The following RARA variants were observed in gnomAD, a reference collection of about 807,000 sequenced individuals.
The protein encoded by RARA is retinoic acid receptor alpha, also known as PML-DDX5-RARA fusion.
RARA carries 5 observed loss-of-function variants against 42.8 expected under a neutral mutation model. The observed-to-expected ratio is 0.12, with a 90% CI of 0.06 to 0.25. RARA has a LOEUF of 0.25. Ranked by LOEUF, RARA falls within the 10% of genes least tolerant of loss-of-function variation. The pLI is 1.00. For missense variants in RARA, 402 were observed against 628.7 expected (o/e 0.64, Z 3.86); for synonymous variants, 256 against 259.5 (o/e 0.99, Z 0.13).
rs865803649 is a variant in RARA, at chr17:40,345,574, G to A, written c.179-2742G>A. Among the ~76,000 whole-genome samples the A allele has an allele frequency of 6.4e-3, 973 of 152,344 alleles. 9 individuals are homozygous for A. The highest frequency in any genetic ancestry group is 0.02 in the Middle Eastern group (6 of 294). On this transcript the variant is annotated intron_variant, in intron 2 of 8. Transcript: ENST00000254066. The surrounding 1 kb of genome is among the most constrained non-coding windows in gnomAD (Gnocchi z 4.8). Reference sequence around the variant, plus strand: ...GAGGGAGGGGCACCCTGGCAGCGTCGGCGGGAGGGGACGCCTGGCTTCCTG... The same window carrying A: ...GAGGGAGGGGCACCCTGGCAGCGTCAGCGGGAGGGGACGCCTGGCTTCCTG...
At chr17:40,332,286 G>A (rs1351214711) in intron 2 of RARA, among the ~76,000 whole-genome samples, 1 of 152,148 alleles carries the variant, frequency 6.6e-6, no homozygotes, top group Non-Finnish European at 1.5e-5. Context: ...TGGGACGGGA[G>A]AGGGTGGAAG....
Position 40,348,318 on chromosome 17 carries a change from A to G in RARA, c.181A>G (p.Ile61Val). ...CCCCTCCCCTCTTCTCTCTCTAGCC[A>G]TTGAGACCCAGAGCAGCAGTTCTGA... ...SGYSTPSPAT[I>V]ETQSSSSEEI... The change falls in exon 3 of 9, where the codon ATT (isoleucine) becomes GTT (valine). Residue 61 changes from isoleucine (I) to valine (V), a missense_variant and splice_region_variant. Physicochemically the swap from Ile to Val is conservative, Grantham distance 29 (BLOSUM62 3). Around this residue, in one of 5 missense-constraint regions of RARA, gnomAD observed 91 missense variants for 105.2 expected, o/e 0.87. Coordinates refer to ENST00000254066, the MANE Select transcript of RARA (RefSeq NM_000964.4). The G allele has an allele frequency of 1.9e-6, 3 of 1,592,490 alleles. No individual in the cohort carries two copies. Among genetic ancestry groups the G allele is most frequent in the South Asian group, 1.1e-5 (1 of 88,356 alleles).
chr17:40,319,034 G>A (rs2033292176), intron 1 of RARA, among the ~76,000 whole-genome samples: 1 of 152,196 alleles, frequency 6.6e-6, no homozygotes, highest in Non-Finnish European at 1.5e-5. Flanking sequence ...GCCACCATGG[G>A]GTGTGGGAAC....
At position 40,352,001 on chromosome 17, in the gene RARA, C is replaced by T; in HGVS notation, c.561C>T (p.Leu187=). 6.2e-7 allele frequency: 1 copy of T among 1,602,192 alleles called. No homozygotes were observed. The highest frequency in any genetic ancestry group is 8.5e-7 in the Non-Finnish European group (1 of 1,176,364). ...CGCTGACGCCGGAGGTGGGGGAGCT[C>T]ATTGAGAAGGTGCGCAAAGCGCACC... ...SYTLTPEVGE[L]IEKVRKAHQE... is the part of the protein sequence containing the mutation. The change falls in exon 5 of 9, where the codon CTC becomes CTT. Residue 187 remains leucine, a synonymous_variant. Transcript: ENST00000254066. The surrounding 1 kb of genome is among the most constrained non-coding windows in gnomAD (Gnocchi z 4.9).
Position 40,331,135 on chromosome 17 carries a change from C to T in RARA, c.-84C>T. 1 of 1,444,008 alleles carries T rather than the reference C, an allele frequency of 6.9e-7. No homozygotes were observed. The highest frequency in any genetic ancestry group is 9.3e-7 in the Non-Finnish European group (1 of 1,073,126). The allele number at this position is 1,444,008 out of a possible 1,614,324, so 89.4% of individuals were successfully genotyped here. On this transcript the variant is annotated 5_prime_UTR_variant, in exon 2 of 9. Coordinates refer to ENST00000254066, the MANE Select transcript of RARA (RefSeq NM_000964.4). ...CCCAAACCCCATCTGGGCCCAGGCCCCATGCCCCGAGGAGGGGTGGTCTGA... is the reference window on the plus strand; with the variant it reads ...CCCAAACCCCATCTGGGCCCAGGCCTCATGCCCCGAGGAGGGGTGGTCTGA...
Position 40,356,920 on chromosome 17 carries a change from C to G in RARA, c.*694C>G, listed in dbSNP as rs1567769266. The G allele has an allele frequency of 7.5e-6, 3 of 400,852 alleles. No homozygotes were observed. The highest frequency in any genetic ancestry group is 9.6e-5 in the East Asian group (2 of 20,852). The allele number at this position is 400,852 out of a possible 1,614,324, so 24.8% of individuals were successfully genotyped here. ...CTCTCCTTTCATGTCCCTGTGCCCCCCAGTTCTCCTCCTCAGCCTTTTCCT... is the reference window on the plus strand; with the variant it reads ...CTCTCCTTTCATGTCCCTGTGCCCCGCAGTTCTCCTCCTCAGCCTTTTCCT... On this transcript the variant is annotated 3_prime_UTR_variant, in exon 9 of 9. Coordinates refer to ENST00000254066, the MANE Select transcript of RARA (RefSeq NM_000964.4).
chr17:40,318,254 C>A (rs2033258861), intron 1 of RARA: 1 of 152,320 alleles, frequency 6.6e-6, no homozygotes, highest in African/African-American at 2.4e-5. Flanking sequence ...CAGTCTGGGG[C>A]TCCGGGTAAA....
intron 1 of RARA, among the ~76,000 whole-genome samples, chr17:40,315,764 G>A (rs924232715): frequency 6.6e-6 from 1 of 152,140 alleles, no homozygotes; most frequent in African/African-American, 2.4e-5. Context: ...ACTGCCACTG[G>A]CCCTGGTACC....
chr17:40,333,339 C>T (rs1431036059), intron 2 of RARA, among the ~76,000 whole-genome samples: 6 of 151,562 alleles, frequency 4.0e-5, no homozygotes, highest in Non-Finnish European at 2.9e-5. Context: ...TGAGCCAACG[C>T]GCCTGGCCAT....
At chr17:40,310,692 A>G (rs1187930241) in intron 1 of RARA, among the ~76,000 whole-genome samples, 2 of 152,100 alleles carry the variant, frequency 1.3e-5, no homozygotes, top group East Asian at 3.8e-4. Context: ...TGGTTACTTA[A>G]CTATATGTGT....
At chr17:40,323,838 G>T (rs1280866391) in intron 1 of RARA, among the ~76,000 whole-genome samples, 4 of 130,594 alleles carry the variant, frequency 3.1e-5, no homozygotes, top group African/African-American at 1.1e-4. Flanking sequence ...GGACTTGGTG[G>T]GGGGGTGTAT....
intron 2 of RARA, among the ~76,000 whole-genome samples, chr17:40,347,421 C>T (rs1029668321): frequency 2.6e-5 from 4 of 152,164 alleles, no homozygotes; most frequent in Non-Finnish European, 5.9e-5. Context: ...CCCTGTTCTG[C>T]CTACAGTGAT....
At chr17:40,341,551 C>A in intron 2 of RARA, 2 of 1,409,020 alleles carry the variant, frequency 1.4e-6, no homozygotes, top group Non-Finnish European at 1.9e-6. Flanking sequence ...CCGGTTCGGC[C>A]GGGCAGGGGG....
chr17:40,336,848 G>A (rs761051209), intron 2 of RARA, among the ~76,000 whole-genome samples: 19 of 151,792 alleles, frequency 1.3e-4, no homozygotes, highest in Non-Finnish European at 1.3e-4. Flanking sequence ...GGCGTGTGCC[G>A]CTACGCCCAG....
rs780274933 is a variant in RARA at position 40,355,230 on chromosome 17, C to G, written c.1013-33C>G. ...CGAGGCTGGGGGTGCAGCTGTGTTC[C>G]CAGCTGCTCAGGGGGTGGTTCTGCT... is the stretch of plus-strand genomic sequence containing the variant. On this transcript the variant is annotated intron_variant, in intron 7 of 8. Coordinates refer to ENST00000254066, the MANE Select transcript of RARA (RefSeq NM_000964.4). This position sits in a 1 kb window ranked among gnomAD's most constrained non-coding sequence, Gnocchi z 4.1. 27 of 1,542,216 alleles carry G rather than the reference C, an allele frequency of 1.8e-5. No individual in the cohort carries two copies. The highest frequency in any genetic ancestry group is 1.9e-5 in the Non-Finnish European group (22 of 1,140,726).
At chr17:40,342,309 G>A in intron 2 of RARA, 1 of 1,067,884 alleles carries the variant, frequency 9.4e-7, no homozygotes, top group Non-Finnish European at 1.1e-6. Context: ...AGGAGGAAGT[G>A]CTCGTTGACC....
In RARA at chr17:40,355,446, T is replaced by TCCCCCGAC. The variant is rs2034589195; in HGVS notation, c.1171+25_1171+26insCCCCCGAC. 1.3e-6 allele frequency: 2 copies of TCCCCCGAC among 1,595,520 alleles called. No individual in the cohort carries two copies. The highest frequency in any genetic ancestry group is 1.7e-6 in the Non-Finnish European group (2 of 1,167,130). ...GGTGAGGCTCACAGACCTGGAGGGG[T>TCCCCCGAC]ACCGGCCCCCGACACCTGGCCCAGG... is the stretch of plus-strand genomic sequence containing the variant. On this transcript the variant is annotated intron_variant, in intron 8 of 8. Transcript: ENST00000254066. This position sits in a 1 kb window ranked among gnomAD's most constrained non-coding sequence, Gnocchi z 4.1.
intron 2 of RARA, among the ~76,000 whole-genome samples, chr17:40,337,971 A>G (rs1228091554): frequency 2.0e-5 from 3 of 152,242 alleles, no homozygotes; most frequent in Admixed American, 6.5e-5. Flanking sequence ...CCTTTCTTGG[A>G]GTCCGAAATG....
intron 2 of RARA, 176 bp from the exon 3 acceptor site, chr17:40,348,140 T>G (rs1175834387): frequency 1.4e-6 from 1 of 697,574 alleles, no homozygotes; most frequent in East Asian, 3.1e-5. Context: ...GAGGCTTCAT[T>G]GGCAGCCTCC....
Sources: gnomAD v4.1 joint callset for allele counts (sites outside exome capture counted in the v4.1 genomes callset) on GRCh38, gnomAD v4.1.1 for gene constraint, gnomAD v4.1.1 regional missense constraint, Gnocchi (gnomAD v3.1) non-coding constraint, MANE v1.5 for transcripts, NCBI Gene and HGNC (gene_info 2026-07-23, HGNC 2026-07-21) for gene names.